TRABD2B: variants seen among roughly 807,000 people sequenced by gnomAD.
TRABD2B encodes the protein metalloprotease TIKI2.
A neutral mutation model predicts 40.1 loss-of-function variants in TRABD2B; 14 were observed. That is an observed-to-expected ratio of 0.35 (90% CI 0.23 to 0.55). TRABD2B has a LOEUF of 0.55. Among genes scored for constraint, TRABD2B ranks in the 20% least tolerant of loss-of-function variants. The pLI, the probability that TRABD2B is intolerant of heterozygous loss-of-function variation, is 0.90. For missense variants in TRABD2B, 541 were observed against 648.6 expected (o/e 0.83, Z 1.80); for synonymous variants, 263 against 277.0 (o/e 0.95, Z 0.50).
intron 5 of TRABD2B, among the ~76,000 whole-genome samples, chr1:47,777,751 G>A (rs577410276): frequency 6.6e-6 from 1 of 152,322 alleles, no homozygotes; most frequent in South Asian, 2.1e-4. Context: ...GGAGTCTGAG[G>A]ATCCTGTCAC....
intron 2 of TRABD2B, among the ~76,000 whole-genome samples, chr1:47,874,756 A>G (rs1028932413): frequency 6.6e-6 from 1 of 150,390 alleles, no homozygotes; most frequent in Non-Finnish European, 1.5e-5. Flanking sequence ...ATATACACGC[A>G]CACACACACA....
intron 2 of TRABD2B, among the ~76,000 whole-genome samples, chr1:47,961,792 A>G (rs1645520230): frequency 6.6e-6 from 1 of 152,334 alleles, no homozygotes; most frequent in East Asian, 1.9e-4. Flanking sequence ...AACCACTGTG[A>G]AAGACAGTGT....
chr1:47,894,369 T>C (rs1188474945), intron 2 of TRABD2B, among the ~76,000 whole-genome samples: 1 of 152,210 alleles, frequency 6.6e-6, no homozygotes, highest in Non-Finnish European at 1.5e-5. Context: ...TAAAGTGCTT[T>C]GAACAGTGCT....
At chr1:47,810,171 C>A (rs1383128794) in intron 2 of TRABD2B, among the ~76,000 whole-genome samples, 2 of 148,500 alleles carry the variant, frequency 1.3e-5, no homozygotes, top group African/African-American at 5.0e-5. Context: ...CGCGCGCGCA[C>A]GTGTGTGTGT....
At chr1:47,801,277 T>C (rs925031587) in intron 3 of TRABD2B, among the ~76,000 whole-genome samples, 196 bp downstream of exon 3, 2 of 152,170 alleles carry the variant, frequency 1.3e-5, no homozygotes, top group African/African-American at 4.8e-5. Flanking sequence ...TCTTGGTAAC[T>C]TAAAACTCAA....
Position 47,820,782 on chromosome 1 carries a change from C to CCACACACACA in TRABD2B, c.667-19173_667-19164dup, listed in dbSNP as rs56348753. Among the ~76,000 whole-genome samples the CCACACACACA allele has an allele frequency of 1.0e-3, 149 of 147,212 alleles. 1 individual carries two copies. The highest frequency in any genetic ancestry group is 8.5e-3 in the East Asian group (42 of 4,940). ...TTCAATACTGAGAAGTTCACACACA[C>CCACACACACA]CACACACACACACACACACACACAC... On this transcript the variant is annotated intron_variant, in intron 2 of 6. Coordinates refer to ENST00000606738, the MANE Select transcript of TRABD2B (RefSeq NM_001194986.2).
At chr1:47,970,466 C>A (rs1645665278) in intron 2 of TRABD2B, among the ~76,000 whole-genome samples, 1 of 152,082 alleles carries the variant, frequency 6.6e-6, no homozygotes, top group Non-Finnish European at 1.5e-5. Flanking sequence ...TAAGATCTAG[C>A]TGAAATCTAT....
chr1:47,804,499 G>C (rs1339103757), intron 2 of TRABD2B, among the ~76,000 whole-genome samples: 3 of 152,136 alleles, frequency 2.0e-5, no homozygotes, highest in Non-Finnish European at 4.4e-5. Flanking sequence ...CGTCGGCTTG[G>C]CCAAGACACC....
At chr1:47,834,911 G>T (rs1043805482) in intron 2 of TRABD2B, among the ~76,000 whole-genome samples, 1 of 152,032 alleles carries the variant, frequency 6.6e-6, no homozygotes, top group Non-Finnish European at 1.5e-5. Context: ...ATAAATAGGA[G>T]AAAAAAGCAG....
intron 3 of TRABD2B, among the ~76,000 whole-genome samples, chr1:47,797,457 G>A (rs1341834138): frequency 2.6e-5 from 4 of 152,048 alleles, no homozygotes. Flanking sequence ...TCCTTCCAAG[G>A]GTCCCTGGAA....
intron 2 of TRABD2B, among the ~76,000 whole-genome samples, chr1:47,820,786 A>T (rs1184040844): frequency 2.8e-5 from 1 of 36,308 alleles, no homozygotes; most frequent in Non-Finnish European, 9.1e-5. Flanking sequence ...CACACACCAC[A>T]CACACACACA....
At chr1:47,935,057 C>T (rs1029844073) in intron 2 of TRABD2B, among the ~76,000 whole-genome samples, 36 of 152,288 alleles carry the variant, frequency 2.4e-4, no homozygotes, top group African/African-American at 8.7e-4. Context: ...CTGCAAGAAG[C>T]CTGCTCTGAC....
chr1:47,869,647 G>A (rs1258035739), intron 2 of TRABD2B, among the ~76,000 whole-genome samples: 1 of 152,174 alleles, frequency 6.6e-6, no homozygotes, highest in Non-Finnish European at 1.5e-5. Flanking sequence ...TTCATCAAGG[G>A]AGAGGGCAGA....
At chr1:47,879,225 T>C (rs1644267039) in intron 2 of TRABD2B, among the ~76,000 whole-genome samples, 1 of 152,200 alleles carries the variant, frequency 6.6e-6, no homozygotes, top group Non-Finnish European at 1.5e-5. Flanking sequence ...AAAACACACA[T>C]ACATATAAAT....
At chr1:47,939,660 A>G (rs1490443679) in intron 2 of TRABD2B, among the ~76,000 whole-genome samples, 1 of 152,148 alleles carries the variant, frequency 6.6e-6, no homozygotes, top group Non-Finnish European at 1.5e-5. Context: ...TGGGAGTCTA[A>G]CTCTGATACT....
intron 2 of TRABD2B, among the ~76,000 whole-genome samples, chr1:47,840,515 T>C (rs1392069400): frequency 3.3e-5 from 5 of 152,210 alleles, no homozygotes; most frequent in Non-Finnish European, 5.9e-5. Flanking sequence ...CACAGCATTC[T>C]TTAGAGCACT....
rs577598089 is a variant in TRABD2B at position 47,994,586 on chromosome 1, C to T, written c.114G>A (p.Leu38=). ...GCCGAATCGTCCACAGGAAGGAGTT[C>T]AAGTCCCTCTGCTGCAGGAGTAGAG... ...QCRPPGSQRD[L]NSFLWTIRRD... The change falls in exon 2 of 7, where the codon TTG becomes TTA. Residue 38 remains leucine, a synonymous_variant. Transcript: ENST00000606738. This position sits in a 1 kb window ranked among gnomAD's most constrained non-coding sequence, Gnocchi z 6.7. The T allele has an allele frequency of 1.3e-6, 2 of 1,534,680 alleles. No individual in the cohort carries two copies. The highest frequency in any genetic ancestry group is 2.4e-5 in the South Asian group (2 of 83,934).
In TRABD2B at chr1:47,917,855, G is replaced by A. The variant is rs544515220; in HGVS notation, c.666+76179C>T. On this transcript the variant is annotated intron_variant, in intron 2 of 6. Coordinates refer to ENST00000606738, the MANE Select transcript of TRABD2B (RefSeq NM_001194986.2). ...ATGACATGCATGTTGGCCCGCAGGC[G>A]TGTGCTGCTGGGGAAGGGCTTTAGA... Among the ~76,000 whole-genome samples, 35 of 152,342 alleles carry A rather than the reference G, an allele frequency of 2.3e-4. 2 individuals carry two copies. The highest frequency in any genetic ancestry group is 1.8e-3 in the Admixed American group (28 of 15,308).
Position 47,775,342 on chromosome 1 carries a change from T to C in TRABD2B, c.1177A>G (p.Thr393Ala). ...TCATCCTCTGGTGGGGCGGTGGGGG[T>C]CACAGAGGGTGCTTCGGGGACAGCG... ...AAAVPEAPSV[T>A]PTAPPEDEDP... Residue 393 changes from threonine (T) to alanine (A), a missense_variant, in exon 6 of 7, where the codon ACC becomes GCC. By Grantham distance (58) the Thr-to-Ala change is moderately conservative. This residue lies in a region of TRABD2B where 172 missense variants were observed against 155.8 expected (regional missense o/e 1.10). Coordinates refer to ENST00000606738, the MANE Select transcript of TRABD2B (RefSeq NM_001194986.2). The C allele has an allele frequency of 3.2e-6, 4 of 1,239,906 alleles. No individual in the cohort carries two copies. The highest frequency in any genetic ancestry group is 1.0e-6 in the Non-Finnish European group (1 of 990,740). 76.8% of individuals were successfully genotyped at this position (1,239,906 alleles called of 1,614,324 possible). A position where few individuals can be genotyped will look rare whatever the true frequency, so the allele number is the denominator to read the frequency against.
Sources: allele counts gnomAD v4.1 joint callset (sites outside exome capture counted in the v4.1 genomes callset), GRCh38; gene constraint gnomAD v4.1.1; regional missense constraint gnomAD v4.1.1; non-coding constraint Gnocchi (gnomAD v3.1); transcripts MANE v1.5; gene names NCBI Gene and HGNC (gene_info 2026-07-23, HGNC 2026-07-21).